Variants in TTC29 observed in about 807,000 individuals in gnomAD.
TTC29 encodes the protein tetratricopeptide repeat domain 29, also known as tetratricopeptide repeat protein 29.
TTC29 carries 49 observed loss-of-function variants against 58.1 expected under a neutral mutation model. The ratio of observed to expected loss-of-function variants is 0.84; its 90% CI spans 0.67 to 1.07. The LOEUF (loss-of-function observed/expected upper bound fraction) is 1.07, where lower values mean the gene tolerates loss of function less well. Among genes scored for constraint, TTC29 ranks in the 50% least tolerant of loss-of-function variants. The pLI, the probability that TTC29 is intolerant of heterozygous loss-of-function variation, is 0.00. For missense variants in TTC29, 582 were observed against 555.6 expected (o/e 1.05, Z -0.48); for synonymous variants, 209 against 196.8 (o/e 1.06, Z -0.52).
chr4:146,898,791 T>C (rs373143540), intron 6 of TTC29, among the ~76,000 whole-genome samples: 1 of 152,172 alleles, frequency 6.6e-6, no homozygotes, highest in African/African-American at 2.4e-5. Flanking sequence ...AGATGATACT[T>C]ACAAGCCACC....
intron 11 of TTC29, among the ~76,000 whole-genome samples, chr4:146,753,168 T>C (rs949879862): frequency 3.9e-5 from 6 of 152,170 alleles, no homozygotes; most frequent in African/African-American, 1.2e-4. Context: ...AAAGGGCTAA[T>C]ATCCAGAATC....
At chr4:146,734,483 A>G (rs1025486146) in intron 11 of TTC29, among the ~76,000 whole-genome samples, 1 of 152,138 alleles carries the variant, frequency 6.6e-6, no homozygotes. Context: ...AACTAAACCT[A>G]AAGAGGGAGT....
At chr4:146,865,014 A>G (rs916478354) in intron 8 of TTC29, among the ~76,000 whole-genome samples, 1 of 152,118 alleles carries the variant, frequency 6.6e-6, no homozygotes, top group Non-Finnish European at 1.5e-5. Flanking sequence ...ATTGAGACTT[A>G]AAGAGTGTAA....
At chr4:146,837,592 T>C (rs753031671) in intron 8 of TTC29, among the ~76,000 whole-genome samples, 11 of 152,088 alleles carry the variant, frequency 7.2e-5, no homozygotes, top group African/African-American at 1.2e-4. Context: ...TTAATAAATA[T>C]TGATCAACTT....
At chr4:146,921,043 G>A (rs538221996) in intron 4 of TTC29, among the ~76,000 whole-genome samples, 4 of 151,364 alleles carry the variant, frequency 2.6e-5, no homozygotes, top group South Asian at 2.1e-4. Flanking sequence ...GATAACTACC[G>A]AACTGTAAGT....
chr4:146,902,191 T>G (rs887797050), intron 6 of TTC29, among the ~76,000 whole-genome samples: 2 of 152,164 alleles, frequency 1.3e-5, no homozygotes, highest in Non-Finnish European at 2.9e-5. Flanking sequence ...ACAGTTTGTA[T>G]CACAGACAGA....
At chr4:146,799,255 A>T (rs1750041652) in intron 11 of TTC29, among the ~76,000 whole-genome samples, 1 of 152,140 alleles carries the variant, frequency 6.6e-6, no homozygotes, top group South Asian at 2.1e-4. Context: ...GATGGATGAA[A>T]CCTACTTGCT....
chr4:146,846,575 C>T (rs988021665), intron 8 of TTC29, among the ~76,000 whole-genome samples: 4 of 152,174 alleles, frequency 2.6e-5, no homozygotes, highest in African/African-American at 9.7e-5. Context: ...TCCCCAGTGG[C>T]CACCTAACCT....
At chr4:146,906,650 G>A (rs2150278384) in intron 5 of TTC29, among the ~76,000 whole-genome samples, 1 of 152,254 alleles carries the variant, frequency 6.6e-6, no homozygotes, top group Admixed American at 6.5e-5. Context: ...TGTGTTGAAT[G>A]TGGAAAAAAA....
At chr4:146,884,547 C>G (rs1731849913) in intron 6 of TTC29, among the ~76,000 whole-genome samples, 1 of 152,090 alleles carries the variant, frequency 6.6e-6, no homozygotes, top group Non-Finnish European at 1.5e-5. Context: ...AATGTGTTTG[C>G]TCTTCCAGGG....
At chr4:146,884,479 T>G (rs1731845696) in intron 6 of TTC29, among the ~76,000 whole-genome samples, 1 of 152,124 alleles carries the variant, frequency 6.6e-6, no homozygotes, top group African/African-American at 2.4e-5. Flanking sequence ...TGCTTTACAC[T>G]TAGGAACTAG....
chr4:146,775,118 C>T (rs1747995138), intron 11 of TTC29, among the ~76,000 whole-genome samples: 1 of 152,040 alleles, frequency 6.6e-6, no homozygotes, highest in Non-Finnish European at 1.5e-5. Flanking sequence ...CATCCATTTA[C>T]TTACTTTGAG....
chr4:146,753,810 A>T (rs905519591), intron 11 of TTC29, among the ~76,000 whole-genome samples: 1 of 152,160 alleles, frequency 6.6e-6, no homozygotes, highest in Non-Finnish European at 1.5e-5. Flanking sequence ...AAGGACAAAA[A>T]ATCAGACACT....
chr4:146,751,991 A>G (rs918129033), intron 11 of TTC29, among the ~76,000 whole-genome samples: 2 of 151,934 alleles, frequency 1.3e-5, no homozygotes, highest in Non-Finnish European at 2.9e-5. Flanking sequence ...AAGTCAAGAA[A>G]TTATAAAACT....
intron 11 of TTC29, among the ~76,000 whole-genome samples, chr4:146,784,032 T>G (rs561103215): frequency 6.6e-6 from 1 of 150,954 alleles, no homozygotes; most frequent in East Asian, 2.0e-4. Context: ...TAGCTTGAAC[T>G]AGTTTTCTTA....
chr4:146,931,824 T>C (rs1009932916), intron 4 of TTC29, among the ~76,000 whole-genome samples: 6 of 152,190 alleles, frequency 3.9e-5, no homozygotes, highest in Admixed American at 3.9e-4. Context: ...TTTATCTCTA[T>C]ATTTGGTTTT....
intron 11 of TTC29, among the ~76,000 whole-genome samples, chr4:146,745,645 A>C (rs7671336): frequency 0.4 from 60,509 of 152,026 alleles, 12,763 homozygotes; most frequent in African/African-American, 0.51. Flanking sequence ...TAGTCACAAT[A>C]TTTGTGACTT....
At chr4:146,823,793 G>A (rs1751999959) in intron 9 of TTC29, among the ~76,000 whole-genome samples, 1 of 152,096 alleles carries the variant, frequency 6.6e-6, no homozygotes, top group East Asian at 1.9e-4. Flanking sequence ...GTGGTTTGTA[G>A]TGCTCCTTGA....
In TTC29 at chr4:146,713,111, C is replaced by CGTGTGTGTGTGTGT. The variant is rs10678715; in HGVS notation, c.1331-5574_1331-5561dup. ...GAGCAGAGAAGGTGGGAGAATTGAT[C>CGTGTGTGTGTGTGT]GTGTGTGTGTGTGTGTGTGTGTGTG... On this transcript the variant is annotated intron_variant, in intron 11 of 12. Transcript: ENST00000325106. 4.9e-3 allele frequency among the ~76,000 whole-genome samples: 680 copies of CGTGTGTGTGTGTGT among 139,634 alleles called. 10 individuals are homozygous for CGTGTGTGTGTGTGT. The highest frequency in any genetic ancestry group is 0.019 in the East Asian group (87 of 4,548). The allele number at this position is 139,634 out of a possible 152,430, so 91.6% of individuals were successfully genotyped here. A position where few individuals can be genotyped will look rare whatever the true frequency, so the allele number is the denominator to read the frequency against.
Sources: allele counts gnomAD v4.1 joint callset (sites outside exome capture counted in the v4.1 genomes callset), GRCh38; gene constraint gnomAD v4.1.1; transcripts MANE v1.5; gene names NCBI Gene and HGNC (gene_info 2026-07-23, HGNC 2026-07-21).